The following GRIN2A variants were observed in gnomAD, a reference collection of about 807,000 sequenced individuals.
GRIN2A encodes glutamate receptor ionotropic, NMDA 2A.
Under a neutral mutation model 113.4 loss-of-function variants are expected in GRIN2A, and 22 were observed. The ratio of observed to expected loss-of-function variants is 0.19; its 90% CI spans 0.14 to 0.28. GRIN2A has a LOEUF of 0.28. Ranked by LOEUF, GRIN2A falls within the 10% of genes least tolerant of loss-of-function variation. The probability of loss-of-function intolerance (pLI) is 1.00; values close to 1 mark genes in which losing one functional copy is unlikely to be tolerated. For synonymous variants in GRIN2A, 827 were observed against 738.4 expected, an observed-to-expected ratio of 1.12 and a Z score of -1.94; for missense variants, 1,502 against 1,887.0, an observed-to-expected ratio of 0.80 and a Z score of 3.78.
intron 4 of GRIN2A, among the ~76,000 whole-genome samples, chr16:9,872,195 C>A (rs2043275980): frequency 6.6e-6 from 1 of 152,134 alleles, no homozygotes; most frequent in Non-Finnish European, 1.5e-5. Context: ...CAAAGAATGA[C>A]AGATTTCCAG....
intron 2 of GRIN2A, chr16:10,112,218 G>A (rs2048630977): frequency 1.7e-6 from 1 of 602,182 alleles, no homozygotes; most frequent in Non-Finnish European, 3.1e-6. Flanking sequence ...AGGGAACTCG[G>A]TGTATCAAAT....
At chr16:10,127,841 G>T (rs75163958) in intron 2 of GRIN2A, among the ~76,000 whole-genome samples, 1,532 of 152,278 alleles carry the variant, frequency 0.01, 11 homozygotes, top group Non-Finnish European at 0.016. Context: ...AAGAAGTCTG[G>T]TCTTTACCCT....
chr16:9,851,376 G>A (rs950142098), intron 4 of GRIN2A, among the ~76,000 whole-genome samples: 2 of 152,192 alleles, frequency 1.3e-5, no homozygotes, highest in African/African-American at 2.4e-5. Context: ...ACAGGCTGGG[G>A]AGAATGCTGA....
At chr16:9,818,890 C>T (rs974744155) in intron 10 of GRIN2A, among the ~76,000 whole-genome samples, 2 of 152,170 alleles carry the variant, frequency 1.3e-5, no homozygotes, top group South Asian at 2.1e-4. Context: ...TTATTCTACA[C>T]TGAATGTGAC....
intron 10 of GRIN2A, among the ~76,000 whole-genome samples, chr16:9,820,891 C>T (rs1184050425): frequency 6.6e-6 from 1 of 152,168 alleles, no homozygotes; most frequent in Non-Finnish European, 1.5e-5. Context: ...AGAATGAGCA[C>T]TGTGGGAATG....
chr16:10,067,315 T>C (rs1327919328), intron 2 of GRIN2A, among the ~76,000 whole-genome samples: 1 of 152,216 alleles, frequency 6.6e-6, no homozygotes, highest in Non-Finnish European at 1.5e-5. Context: ...ATGAGGAGGC[T>C]AGGTTTTTCC....
At chr16:10,141,427 G>A (rs1020104789) in intron 2 of GRIN2A, among the ~76,000 whole-genome samples, 1 of 152,172 alleles carries the variant, frequency 6.6e-6, no homozygotes, top group Non-Finnish European at 1.5e-5. Flanking sequence ...GGCAGAGGTT[G>A]CAGTGAGCCG....
Position 9,942,301 on chromosome 16 carries a change from A to G in GRIN2A, c.415-3750T>C, listed in dbSNP as rs373577210. Among the ~76,000 whole-genome samples the G allele has an allele frequency of 2.6e-5, 4 of 152,282 alleles. No individual in the cohort carries two copies. The South Asian group carries it at 6.2e-4, about 24-fold the overall frequency. ...CCTAGCCTACCCATCTATGTGCACCAGCTTTATAGTTGAAATACCATGAGC... is the reference window on the plus strand; with the variant it reads ...CCTAGCCTACCCATCTATGTGCACCGGCTTTATAGTTGAAATACCATGAGC... On this transcript the variant is annotated intron_variant, in intron 2 of 12. Transcript: ENST00000330684.
intron 2 of GRIN2A, among the ~76,000 whole-genome samples, chr16:10,017,324 T>A (rs1002495298): frequency 6.6e-6 from 1 of 151,796 alleles, no homozygotes; most frequent in Non-Finnish European, 1.5e-5. Context: ...AATGGCAGCA[T>A]GATAGGGCAC....
intron 2 of GRIN2A, among the ~76,000 whole-genome samples, chr16:10,116,238 A>G (rs1328857750): frequency 6.6e-6 from 1 of 152,220 alleles, no homozygotes; most frequent in African/African-American, 2.4e-5. Flanking sequence ...CAAAAACCAC[A>G]TGTTCTCACT....
chr16:9,886,036 C>A (rs1310170748), intron 4 of GRIN2A, among the ~76,000 whole-genome samples: 1 of 152,206 alleles, frequency 6.6e-6, no homozygotes, highest in African/African-American at 2.4e-5. Flanking sequence ...GCAGTGGCCT[C>A]CTTGTGTACC....
chr16:10,177,220 T>C (rs1233575686), intron 2 of GRIN2A, among the ~76,000 whole-genome samples: 2 of 152,240 alleles, frequency 1.3e-5, no homozygotes, highest in Non-Finnish European at 2.9e-5. Flanking sequence ...GAAGGGCTGT[T>C]CACCTCTCAG....
At chr16:9,981,770 T>G (rs2045897117) in intron 2 of GRIN2A, among the ~76,000 whole-genome samples, 1 of 152,188 alleles carries the variant, frequency 6.6e-6, no homozygotes, top group African/African-American at 2.4e-5. Flanking sequence ...ACAAGGTCTA[T>G]ATGATTAATA....
intron 2 of GRIN2A, among the ~76,000 whole-genome samples, chr16:10,164,579 A>G (rs1344390193): frequency 1.3e-5 from 2 of 152,372 alleles, no homozygotes; most frequent in Admixed American, 6.5e-5. Flanking sequence ...TACATATTAA[A>G]GCAATGATTG....
intron 2 of GRIN2A, among the ~76,000 whole-genome samples, chr16:9,993,223 A>G (rs1461893478): frequency 6.6e-6 from 1 of 152,060 alleles, no homozygotes; most frequent in Non-Finnish European, 1.5e-5. Context: ...ACACAGCAAG[A>G]CTCTGTCTCA....
rs140136379 is a variant in GRIN2A, at chr16:10,180,160, C to A, written c.252G>T (p.Thr84=). 7.9e-5 allele frequency: 127 copies of A among 1,614,064 alleles called. No individual in the cohort carries two copies. The highest frequency in any genetic ancestry group is 1.0e-4 in the Non-Finnish European group (119 of 1,180,046). The change falls in exon 2 of 13, where the codon ACG becomes ACT. Residue 84 remains threonine, a synonymous_variant. Coordinates refer to ENST00000330684, the MANE Select transcript of GRIN2A (RefSeq NM_001134407.3). The surrounding 1 kb of genome is among the most constrained non-coding windows in gnomAD (Gnocchi z 7.0). ...CCCCGGACATGAGGTCGCACACGTGCGTGATGAGGCTCTTGGGGTCGGTGC... is the reference window on the plus strand; with the variant it reads ...CCCCGGACATGAGGTCGCACACGTGAGTGATGAGGCTCTTGGGGTCGGTGC... The part of the protein sequence containing the change: ...MNRTDPKSLI[T]HVCDLMSGAR...
At chr16:9,829,033 G>A (rs900479337) in intron 9 of GRIN2A, among the ~76,000 whole-genome samples, 2 of 152,084 alleles carry the variant, frequency 1.3e-5, no homozygotes, top group African/African-American at 4.8e-5. Flanking sequence ...ACAGCCTACA[G>A]TGCTCCTTCA....
intron 2 of GRIN2A, among the ~76,000 whole-genome samples, chr16:9,961,084 G>A (rs561666632): frequency 2.0e-5 from 3 of 152,328 alleles, no homozygotes; most frequent in South Asian, 4.1e-4. Context: ...TTCAATATAT[G>A]TATGACTTTA....
chr16:9,764,111 C>A lies in GRIN2A; in HGVS notation c.3433G>T (p.Val1145Leu), dbSNP rs779746293. Residue 1145 changes from valine to leucine, a missense_variant, in exon 13 of 13, where the codon GTG becomes TTG. By Grantham distance (32) the Val-to-Leu change is conservative. This residue lies in a region of GRIN2A where 832 missense variants were observed against 789.7 expected (regional missense o/e 1.05). Coordinates refer to ENST00000330684, the MANE Select transcript of GRIN2A (RefSeq NM_001134407.3). ...FVENVTLPEN[V>L]DFPDPYQDPS... Reference sequence around the variant, plus strand: ...TCCTGGTAGGGGTCCGGGAAGTCCACGTTCTCGGGCAGGGTCACATTTTCA... The same window carrying A: ...TCCTGGTAGGGGTCCGGGAAGTCCAAGTTCTCGGGCAGGGTCACATTTTCA... 6.2e-7 allele frequency: 1 copy of A among 1,613,680 alleles called. No individual in the cohort carries two copies. The highest frequency in any genetic ancestry group is 8.5e-7 in the Non-Finnish European group (1 of 1,179,704).
Sources: allele counts gnomAD v4.1 joint callset (sites outside exome capture counted in the v4.1 genomes callset), GRCh38; gene constraint gnomAD v4.1.1; regional missense constraint gnomAD v4.1.1; non-coding constraint Gnocchi (gnomAD v3.1); transcripts MANE v1.5; gene names NCBI Gene and HGNC (gene_info 2026-07-23, HGNC 2026-07-21).